Variants in CDH12 observed in about 807,000 individuals in gnomAD.
CDH12 encodes cadherin-12.
A neutral mutation model predicts 74.1 loss-of-function variants in CDH12; 41 were observed. The ratio of observed to expected loss-of-function variants is 0.55; its 90% CI spans 0.43 to 0.72. The LOEUF (loss-of-function observed/expected upper bound fraction) is 0.72. Among genes scored for constraint, CDH12 ranks in the 30% least tolerant of loss-of-function variants. The pLI, the probability that CDH12 is intolerant of heterozygous loss-of-function variation, is 0.00. For synonymous variants in CDH12, 399 were observed against 355.0 expected, an observed-to-expected ratio of 1.12 and a Z score of -1.39; for missense variants, 945 against 977.2, an observed-to-expected ratio of 0.97 and a Z score of 0.44.
At chr5:22,603,216 G>C (rs1450111019) in intron 1 of CDH12, among the ~76,000 whole-genome samples, 3 of 151,926 alleles carry the variant, frequency 2.0e-5, no homozygotes, top group African/African-American at 4.8e-5. Flanking sequence ...TGTGGATGGG[G>C]TAATCAACAA....
intron 1 of CDH12, among the ~76,000 whole-genome samples, chr5:22,815,946 A>T (rs1304892219): frequency 6.6e-6 from 1 of 152,066 alleles, no homozygotes; most frequent in African/African-American, 2.4e-5. Context: ...TTTGAAAAAA[A>T]AGAAGGCAAA....
intron 1 of CDH12, among the ~76,000 whole-genome samples, chr5:22,612,128 A>G (rs1737435294): frequency 6.6e-6 from 1 of 152,134 alleles, no homozygotes; most frequent in South Asian, 2.1e-4. Flanking sequence ...GCTAATTTAA[A>G]TAGCCATGTT....
At chr5:22,281,867 A>G (rs1736899572) in intron 3 of CDH12, among the ~76,000 whole-genome samples, 1 of 152,210 alleles carries the variant, frequency 6.6e-6, no homozygotes, top group Non-Finnish European at 1.5e-5. Context: ...GAATTATAAA[A>G]AAACTAGTTT....
chr5:22,284,073 T>C (rs985460961), intron 3 of CDH12, among the ~76,000 whole-genome samples: 8 of 152,114 alleles, frequency 5.3e-5, no homozygotes, highest in Non-Finnish European at 1.0e-4. Context: ...CATGCTGATG[T>C]TGAGTGCAAA....
At chr5:22,438,117 C>T (rs890943797) in intron 2 of CDH12, among the ~76,000 whole-genome samples, 1 of 151,940 alleles carries the variant, frequency 6.6e-6, no homozygotes, top group Non-Finnish European at 1.5e-5. Flanking sequence ...TCTTAACCTC[C>T]ATTCTAAACT....
intron 3 of CDH12, among the ~76,000 whole-genome samples, chr5:22,338,206 G>A (rs1047200514): frequency 2.0e-5 from 3 of 152,072 alleles, no homozygotes; most frequent in Admixed American, 2.0e-4. Context: ...AAAAAATGTG[G>A]TACTTATACA....
chr5:22,780,686 T>A (rs944322729), intron 1 of CDH12, among the ~76,000 whole-genome samples: 3 of 152,084 alleles, frequency 2.0e-5, no homozygotes, highest in Non-Finnish European at 2.9e-5. Flanking sequence ...CAATTCAAGA[T>A]GAGAGTTGGG....
At chr5:22,236,692 A>C (rs1752571745) in intron 3 of CDH12, among the ~76,000 whole-genome samples, 1 of 152,172 alleles carries the variant, frequency 6.6e-6, no homozygotes, top group African/African-American at 2.4e-5. Flanking sequence ...GGTTGCAGTG[A>C]GCGAGATGGT....
intron 8 of CDH12, among the ~76,000 whole-genome samples, chr5:21,837,067 C>T (rs1749575326): frequency 6.6e-6 from 1 of 151,912 alleles, no homozygotes; most frequent in South Asian, 2.1e-4. Context: ...GTTATCTATT[C>T]AACCATTCTT....
chr5:22,359,382 A>G (rs545974171), intron 3 of CDH12, among the ~76,000 whole-genome samples: 5 of 152,226 alleles, frequency 3.3e-5, no homozygotes, highest in Non-Finnish European at 7.3e-5. Context: ...AGAGCTAACT[A>G]TCCTAAATAC....
chr5:22,689,018 A>G (rs1250778452), intron 1 of CDH12, among the ~76,000 whole-genome samples: 1 of 152,206 alleles, frequency 6.6e-6, no homozygotes, highest in Non-Finnish European at 1.5e-5. Flanking sequence ...AAATATTCAC[A>G]GCCTGAATTA....
chr5:22,678,048 G>GGT (rs1561571416), intron 1 of CDH12, among the ~76,000 whole-genome samples: 11 of 151,552 alleles, frequency 7.3e-5, no homozygotes, highest in South Asian at 2.1e-4. Context: ...TCCTCATGGG[G>GGT]GGGGGGGTTA....
chr5:22,501,199 A>T (rs943265171), intron 2 of CDH12, among the ~76,000 whole-genome samples: 1 of 152,188 alleles, frequency 6.6e-6, no homozygotes, highest in African/African-American at 2.4e-5. Flanking sequence ...TGCACCATGG[A>T]ATAAAATGCA....
At chr5:22,569,788 A>G (rs763431948) in intron 1 of CDH12, among the ~76,000 whole-genome samples, 3 of 152,070 alleles carry the variant, frequency 2.0e-5, no homozygotes, top group Admixed American at 6.5e-5. Context: ...TGCTATATCT[A>G]CCATACTTGC....
At chr5:21,891,077 C>A (rs1171137636) in intron 6 of CDH12, among the ~76,000 whole-genome samples, 1 of 152,016 alleles carries the variant, frequency 6.6e-6, no homozygotes, top group Non-Finnish European at 1.5e-5. Context: ...CTACCACATA[C>A]CTTTCCAAAG....
At chr5:22,492,808 T>A (rs1746939725) in intron 2 of CDH12, among the ~76,000 whole-genome samples, 1 of 152,094 alleles carries the variant, frequency 6.6e-6, no homozygotes, top group Non-Finnish European at 1.5e-5. Flanking sequence ...GGGAATAAGT[T>A]TTTTCTCCCT....
chr5:22,519,373 C>T (rs1736947013), intron 1 of CDH12, among the ~76,000 whole-genome samples: 1 of 151,700 alleles, frequency 6.6e-6, no homozygotes, highest in African/African-American at 2.4e-5. Flanking sequence ...CTCACCATGT[C>T]CAACTTGCCA....
chr5:22,746,923 G>T (rs935178092), intron 1 of CDH12, among the ~76,000 whole-genome samples: 12 of 152,190 alleles, frequency 7.9e-5, no homozygotes. Flanking sequence ...CCTAAACACA[G>T]CTGTACACAG....
intron 9 of CDH12, among the ~76,000 whole-genome samples, chr5:21,802,955 GA>G (rs929137677): frequency 4.9e-4 from 75 of 152,096 alleles, no homozygotes; most frequent in African/African-American, 1.7e-3. Flanking sequence ...GCCTATGTTT[GA>G]AAAACTCATC....
Sources: allele counts gnomAD v4.1 joint callset (sites outside exome capture counted in the v4.1 genomes callset), GRCh38; gene constraint gnomAD v4.1.1; transcripts MANE v1.5; gene names NCBI Gene and HGNC (gene_info 2026-07-23, HGNC 2026-07-21).